The following CSMD1 variants were observed in gnomAD, a reference collection of about 807,000 sequenced individuals.
The protein encoded by CSMD1 is CUB and sushi domain-containing protein 1.
In CSMD1, 213 loss-of-function variants were observed where a neutral mutation model predicts 417.5. The ratio of observed to expected loss-of-function variants is 0.51; its 90% confidence interval spans 0.46 to 0.57. CSMD1 has a LOEUF of 0.57. Among genes scored for constraint, CSMD1 ranks in the 20% least tolerant of loss-of-function variants. The pLI is 0.00. For missense variants in CSMD1, 6,923 were observed against 4,529.7 expected, an observed-to-expected ratio of 1.53 and a Z score of -15.17; for synonymous variants, 2,862 against 1,736.8, an observed-to-expected ratio of 1.65 and a Z score of -16.11.
chr8:4,859,301 A>T (rs1374864352), intron 1 of CSMD1, among the ~76,000 whole-genome samples: 8 of 152,170 alleles, frequency 5.3e-5, no homozygotes, highest in Non-Finnish European at 4.4e-5. Flanking sequence ...TAGACCTAAA[A>T]CCATAAATAA....
chr8:4,584,162 G>C (rs1471288856), intron 2 of CSMD1, among the ~76,000 whole-genome samples: 1 of 152,052 alleles, frequency 6.6e-6, no homozygotes, highest in Non-Finnish European at 1.5e-5. Flanking sequence ...GCCACCTTAA[G>C]AACTGTAACA....
At chr8:4,423,197 G>C (rs1797348605) in intron 2 of CSMD1, among the ~76,000 whole-genome samples, 1 of 152,002 alleles carries the variant, frequency 6.6e-6, no homozygotes, top group African/African-American at 2.4e-5. Context: ...TATCGTGCTG[G>C]AATATCCTGC....
chr8:4,917,482 A>G (rs1463208107), intron 1 of CSMD1, among the ~76,000 whole-genome samples: 1 of 152,144 alleles, frequency 6.6e-6, no homozygotes, highest in East Asian at 1.9e-4. Context: ...AAAATACAAA[A>G]AATTAGCCGG....
In CSMD1 at chr8:4,361,388, G is replaced by A. The variant is rs913691221; in HGVS notation, c.415+58565C>T. Among the ~76,000 whole-genome samples, 9 of 127,728 alleles carry A rather than the reference G, an allele frequency of 7.0e-5. No individual in the cohort carries two copies. The East Asian group carries it at 1.5e-3, about 21-fold the overall frequency. 83.8% of individuals were successfully genotyped at this position (127,728 alleles called of 152,430 possible). On this transcript the variant is annotated intron_variant, in intron 3 of 69. Coordinates refer to ENST00000635120, the MANE Select transcript of CSMD1 (RefSeq NM_033225.6). ...AATTGATTTAATGTAGCCTCATGAA[G>A]GGCTAACTGTGTCTCAGGCACTGCT...
At chr8:3,143,322 A>G (rs1371512102) in intron 40 of CSMD1, among the ~76,000 whole-genome samples, 1 of 152,188 alleles carries the variant, frequency 6.6e-6, no homozygotes, top group East Asian at 1.9e-4. Context: ...TGCAAAACAA[A>G]TTATTGATGT....
chr8:4,310,827 C>G (rs1798521204), intron 3 of CSMD1, among the ~76,000 whole-genome samples: 1 of 152,138 alleles, frequency 6.6e-6, no homozygotes, highest in African/African-American at 2.4e-5. Flanking sequence ...CTTATTTCAG[C>G]AGCAAGACTA....
At chr8:4,928,951 A>G (rs937330337) in intron 1 of CSMD1, among the ~76,000 whole-genome samples, 1 of 152,088 alleles carries the variant, frequency 6.6e-6, no homozygotes, top group African/African-American at 2.4e-5. Context: ...CATGCCTGTA[A>G]TCCCAGCTAC....
chr8:3,503,708 C>A (rs1197405700), intron 10 of CSMD1, among the ~76,000 whole-genome samples: 2 of 152,178 alleles, frequency 1.3e-5, no homozygotes, highest in Non-Finnish European at 2.9e-5. Context: ...GTCCCCCATC[C>A]ACTGGAAAGG....
intron 11 of CSMD1, among the ~76,000 whole-genome samples, chr8:3,470,023 C>A (rs1020576852): frequency 6.6e-6 from 1 of 152,062 alleles, no homozygotes; most frequent in African/African-American, 2.4e-5. Context: ...GCGCACAGAT[C>A]GTGAATGTCT....
chr8:4,302,170 G>A (rs1022312391), intron 3 of CSMD1, among the ~76,000 whole-genome samples: 1 of 152,172 alleles, frequency 6.6e-6, no homozygotes, highest in Non-Finnish European at 1.5e-5. Flanking sequence ...CCAATTGCCA[G>A]GTGGAACTTG....
At chr8:4,904,728 T>C (rs1025422312) in intron 1 of CSMD1, among the ~76,000 whole-genome samples, 1 of 152,174 alleles carries the variant, frequency 6.6e-6, no homozygotes, top group African/African-American at 2.4e-5. Context: ...AAATGTGATC[T>C]TAAAGCAAAA....
At chr8:4,723,900 G>C (rs1175856241) in intron 1 of CSMD1, among the ~76,000 whole-genome samples, 2 of 151,270 alleles carry the variant, frequency 1.3e-5, no homozygotes, top group East Asian at 2.0e-4. Flanking sequence ...AATGAGATTT[G>C]TCCTGCATAT....
At chr8:4,296,963 G>A (rs182828889) in intron 3 of CSMD1, among the ~76,000 whole-genome samples, 1 of 152,052 alleles carries the variant, frequency 6.6e-6, no homozygotes, top group African/African-American at 2.4e-5. Flanking sequence ...ATAAAAACCT[G>A]TAAGTCAGAT....
intron 7 of CSMD1, among the ~76,000 whole-genome samples, chr8:3,706,173 C>T (rs1203256474): frequency 6.6e-6 from 1 of 152,226 alleles, no homozygotes; most frequent in Admixed American, 6.5e-5. Context: ...AACAGAATGC[C>T]CACTGCATGC....
intron 3 of CSMD1, among the ~76,000 whole-genome samples, chr8:4,365,123 A>G (rs113278735): frequency 1.1e-4 from 16 of 152,310 alleles, no homozygotes; most frequent in African/African-American, 3.8e-4. Flanking sequence ...GTGTGTAGAC[A>G]TATAGTGAAC....
chr8:4,358,643 G>A (rs902103704), intron 3 of CSMD1, among the ~76,000 whole-genome samples: 2 of 152,180 alleles, frequency 1.3e-5, no homozygotes, highest in Non-Finnish European at 1.5e-5. Context: ...AATAATTTAT[G>A]AATTCCTTTT....
At chr8:4,987,487 G>C (rs903608676) in intron 1 of CSMD1, among the ~76,000 whole-genome samples, 3 of 152,122 alleles carry the variant, frequency 2.0e-5, no homozygotes, top group African/African-American at 7.2e-5. Context: ...AAAAGTTGTA[G>C]TTATCTCTAT....
intron 23 of CSMD1, among the ~76,000 whole-genome samples, chr8:3,317,863 T>G (rs1805878476): frequency 6.6e-6 from 1 of 152,220 alleles, no homozygotes; most frequent in Non-Finnish European, 1.5e-5. Context: ...CAGGCTGGAG[T>G]GCAGTGGCGC....
At chr8:3,273,400 G>T (rs1026730025) in intron 26 of CSMD1, among the ~76,000 whole-genome samples, 3 of 151,680 alleles carry the variant, frequency 2.0e-5, no homozygotes, top group African/African-American at 4.8e-5. Flanking sequence ...TCTCTTTTTT[G>T]GTTGTGTCTC....
Sources: allele counts gnomAD v4.1 joint callset (sites outside exome capture counted in the v4.1 genomes callset), GRCh38; gene constraint gnomAD v4.1.1; transcripts MANE v1.5; gene names NCBI Gene and HGNC (gene_info 2026-07-23, HGNC 2026-07-21).